The following RYR1 variants were observed in gnomAD, a reference collection of about 807,000 sequenced individuals.
RYR1 encodes central core disease of muscle.
A neutral mutation model predicts 583.5 loss-of-function variants in RYR1; 342 were observed. The observed-to-expected ratio is 0.59, with a 90% CI of 0.54 to 0.64. The LOEUF (loss-of-function observed/expected upper bound fraction) is 0.64, where lower values mean the gene tolerates loss of function less well. Among genes scored for constraint, RYR1 ranks in the 30% least tolerant of loss-of-function variants. The pLI, the probability that RYR1 is intolerant of heterozygous loss-of-function variation, is 0.00. For missense variants in RYR1, 6,032 were observed against 6,917.2 expected (o/e 0.87, Z 4.54); for synonymous variants, 2,791 against 2,822.5 (o/e 0.99, Z 0.35).
intron 89 of RYR1, 132 bp downstream of exon 89, chr19:38,548,552 T>C (rs1269616087): frequency 3.7e-6 from 3 of 819,510 alleles, no homozygotes; most frequent in Non-Finnish European, 6.0e-6. Flanking sequence ...AAAATGAGGA[T>C]AAAACAGTCC....
chr19:38,514,280 T>A (rs12608904), intron 63 of RYR1, among the ~76,000 whole-genome samples: 17 of 138,618 alleles, frequency 1.2e-4, no homozygotes, highest in African/African-American at 3.9e-4. Context: ...AATTTTTTTT[T>A]AATTTTTTTT....
In RYR1 at chr19:38,523,059, G is replaced by A. The variant is rs553113819; in HGVS notation, c.10291G>A (p.Ala3431Thr). ...GTGGCTGACGGAGCCGAATCCCAGC[G>A]CGGAGGAGCTGTTCAGGATGGTGGG... ...AQWLTEPNPS[A>T]EELFRMVGEI... is the part of the protein sequence containing the mutation. The change falls in exon 68 of 106, where the codon GCG becomes ACG. Residue 3431 changes from alanine to threonine, a missense_variant. By Grantham distance (58) the Ala-to-Thr change is moderately conservative (BLOSUM62 0). Around this residue, in one of 11 missense-constraint regions of RYR1, gnomAD observed 1,493 missense variants for 1,715.5 expected, o/e 0.87. Coordinates refer to ENST00000359596, the MANE Select transcript of RYR1 (RefSeq NM_000540.3). The A allele has an allele frequency of 4.1e-5, 66 of 1,609,808 alleles. No homozygotes were observed. Among genetic ancestry groups the A allele is most frequent in the South Asian group, 8.8e-5 (8 of 90,796 alleles).
intron 90 of RYR1, among the ~76,000 whole-genome samples, chr19:38,563,268 GTGT>G (rs760096888): frequency 4.2e-4 from 64 of 152,288 alleles, no homozygotes; most frequent in Admixed American, 1.0e-3. Flanking sequence ...TAACACTACG[GTGT>G]TGTTGTTGTT....
intron 1 of RYR1, among the ~76,000 whole-genome samples, chr19:38,437,667 T>G (rs1048695420): frequency 6.6e-6 from 1 of 151,920 alleles, no homozygotes; most frequent in Non-Finnish European, 1.5e-5. Context: ...ATGTTAAACT[T>G]TAGCTGGGCG....
intron 101 of RYR1, among the ~76,000 whole-genome samples, chr19:38,584,121 G>A (rs532475079): frequency 2.0e-5 from 3 of 151,994 alleles, no homozygotes; most frequent in Admixed American, 6.6e-5. Flanking sequence ...GATCACCTAG[G>A]CTGGATCAGA....
chr19:38,530,414 G>A (rs974226080), intron 76 of RYR1, among the ~76,000 whole-genome samples: 2 of 149,518 alleles, frequency 1.3e-5, no homozygotes, highest in African/African-American at 4.9e-5. Context: ...ACAGGCACGT[G>A]CCTCCATGCC....
At chr19:38,515,722 G>T (rs186520298) in intron 64 of RYR1, among the ~76,000 whole-genome samples, 1 of 152,138 alleles carries the variant, frequency 6.6e-6, no homozygotes, top group Non-Finnish European at 1.5e-5. Context: ...GAGATGGGGG[G>T]ATCGCTTGAG....
intron 1 of RYR1, among the ~76,000 whole-genome samples, chr19:38,434,610 G>A (rs536221461): frequency 6.6e-6 from 1 of 152,260 alleles, no homozygotes; most frequent in East Asian, 1.9e-4. Flanking sequence ...CCCCAGCTGG[G>A]GGCAGGGATG....
intron 70 of RYR1, 53 bp from the exon 71 acceptor site, chr19:38,525,279 G>T: frequency 6.2e-7 from 1 of 1,611,306 alleles, no homozygotes; most frequent in Non-Finnish European, 8.5e-7. Context: ...GCGGGTTGGG[G>T]CTGAGGCATG....
In RYR1 at chr19:38,485,613, C is replaced by A; in HGVS notation, c.4958C>A (p.Ser1653Ter). The A allele has an allele frequency of 6.2e-7, 1 of 1,609,792 alleles. No individual in the cohort carries two copies. Among genetic ancestry groups the A allele is most frequent in the South Asian group, 1.1e-5 (1 of 91,046 alleles). The change falls in exon 34 of 106, where the codon TCG becomes TAG. Residue 1653 changes from serine to a stop codon, truncating the protein, a stop_gained. Coordinates refer to ENST00000359596, the MANE Select transcript of RYR1 (RefSeq NM_000540.3). LOFTEE classifies it high-confidence loss of function. ...ENRCMDILEL[S>*]ERLDLQRFHS... is the part of the protein sequence containing the mutation. The stretch of plus-strand genomic sequence containing the variant: ...AGGTGCATGGACATCCTGGAGCTGT[C>A]GGAGCGCCTGGACCTGCAGCGCTTC...
In RYR1 at chr19:38,565,576, C is replaced by G. The variant is rs994374423; in HGVS notation, c.13242C>G (p.Asp4414Glu). 12 of 1,472,026 alleles carry G rather than the reference C, an allele frequency of 8.2e-6. No individual in the cohort carries two copies. In the African/African-American group the frequency reaches 1.8e-4, roughly 22 times the overall value. The allele number at this position is 1,472,026 out of a possible 1,614,324, so 91.2% of individuals were successfully genotyped here. A position where few individuals can be genotyped will look rare whatever the true frequency, so the allele number is the denominator to read the frequency against. ...AGGGTGCCAGCGAGGGCGCTGGAGA[C>G]GCCGCGGAGGGCGCTGGAGACGAGG... ...DGEGASEGAG[D>E]AAEGAGDEEE... The change falls in exon 91 of 106, where the codon GAC becomes GAG. Residue 4414 changes from aspartate (D) to glutamate (E), a missense_variant. Transcript: ENST00000359596. This position sits in a 1 kb window ranked among gnomAD's most constrained non-coding sequence, Gnocchi z 4.7.
chr19:38,510,440 A>T, intron 58 of RYR1, 58 bp from the exon 59 acceptor site: 2 of 1,580,984 alleles, frequency 1.3e-6, no homozygotes, highest in Non-Finnish European at 1.7e-6. Flanking sequence ...TTCCCATCAG[A>T]ACACCCTGGG....
intron 99 of RYR1, among the ~76,000 whole-genome samples, chr19:38,578,939 G>A (rs1386204794): frequency 1.3e-5 from 2 of 151,546 alleles, no homozygotes; most frequent in African/African-American, 4.9e-5. Flanking sequence ...TTGTAGAGAC[G>A]GTGAAACCCT....
Position 38,561,307 on chromosome 19 carries a change from G to T in RYR1, c.12477G>T (p.Leu4159=), listed in dbSNP as rs756698335. The change falls in exon 90 of 106, where the codon CTG becomes CTT. Residue 4159 remains leucine (L), a synonymous_variant. Coordinates refer to ENST00000359596, the MANE Select transcript of RYR1 (RefSeq NM_000540.3). The surrounding 1 kb of genome is among the most constrained non-coding windows in gnomAD (Gnocchi z 4.8). ...LSEHVPHDPR[L]HNFLELAESI... is the part of the protein sequence containing the mutation. ...AGCATGTGCCGCATGACCCTCGCCTGCACAACTTCCTGGAGCTGGCCGAGA... is the reference window on the plus strand; with the variant it reads ...AGCATGTGCCGCATGACCCTCGCCTTCACAACTTCCTGGAGCTGGCCGAGA... 6 of 1,614,012 alleles carry T rather than the reference G, an allele frequency of 3.7e-6. No individual in the cohort carries two copies. The East Asian group carries it at 1.3e-4, about 36-fold the overall frequency.
intron 88 of RYR1, among the ~76,000 whole-genome samples, chr19:38,547,292 C>G (rs1371374357): frequency 3.3e-5 from 5 of 150,330 alleles, no homozygotes; most frequent in African/African-American, 1.2e-4. Context: ...ACTTCGTGAT[C>G]CTCCCGCCTC....
chr19:38,587,255 AATAT>A, intron 105 of RYR1, 66 bp from the exon 106 acceptor site: 94 of 976,762 alleles, frequency 9.6e-5, no homozygotes, highest in Non-Finnish European at 1.3e-4. Context: ...CCTGTCTAAA[AATAT>A]ATATATATAT....
At position 38,438,071 on chromosome 19, in the gene RYR1, T is replaced by C. The variant is rs145078815; in HGVS notation, c.46-2674T>C. On this transcript the variant is annotated intron_variant, in intron 1 of 105. Transcript: ENST00000359596. ...TCTCCTCCCTGTTTGCCCCTCCTCC[T>C]TGCGGCCACCATCCTGCTCCATCTC... Among the ~76,000 whole-genome samples, 253 of 151,536 alleles carry C rather than the reference T, an allele frequency of 1.7e-3. 4 individuals are homozygous for C. Among genetic ancestry groups the C allele is most frequent in the Middle Eastern group, 6.8e-3 (2 of 292 alleles).
Position 38,543,591 on chromosome 19 carries a change from C to T in RYR1, c.11838C>T (p.Gly3946=), listed in dbSNP as rs758112271. The T allele has an allele frequency of 4.6e-5, 75 of 1,614,048 alleles. No homozygotes were observed. The highest frequency in any genetic ancestry group is 5.5e-5 in the Non-Finnish European group (65 of 1,180,034). Residue 3946 remains glycine (G), a synonymous_variant, in exon 86 of 106, where the codon GGC becomes GGT. Coordinates refer to ENST00000359596, the MANE Select transcript of RYR1 (RefSeq NM_000540.3). This position sits in a 1 kb window ranked among gnomAD's most constrained non-coding sequence, Gnocchi z 4.4. ...GCAAGGATGTCATTGAAGAGCAGGG[C>T]AAGAGGAACTTCTCCAAAGCCATGT... is the stretch of plus-strand genomic sequence containing the variant. ...YSGKDVIEEQ[G]KRNFSKAMSV...
intron 16 of RYR1, among the ~76,000 whole-genome samples, chr19:38,456,274 A>AT (rs769713059): frequency 0.046 from 4,930 of 106,610 alleles, 249 homozygotes; most frequent in Middle Eastern, 0.1. Context: ...AGCGCCTGGC[A>AT]TTTTTTTTTT....
Sources: allele counts gnomAD v4.1 joint callset (sites outside exome capture counted in the v4.1 genomes callset), GRCh38; gene constraint gnomAD v4.1.1; regional missense constraint gnomAD v4.1.1; non-coding constraint Gnocchi (gnomAD v3.1); transcripts MANE v1.5; gene names NCBI Gene and HGNC (gene_info 2026-07-23, HGNC 2026-07-21).